SLC25A12: variants seen among roughly 807,000 people sequenced by gnomAD.
SLC25A12 encodes solute carrier family 25 member 12, also known as electrogenic aspartate/glutamate antiporter SLC25A12, mitochondrial.
In SLC25A12, 32 loss-of-function variants were observed where a neutral mutation model predicts 83.3. That is an observed-to-expected ratio of 0.38 (90% CI 0.29 to 0.52). The LOEUF (loss-of-function observed/expected upper bound fraction) is 0.52. Among genes scored for constraint, SLC25A12 ranks in the 20% least tolerant of loss-of-function variants. SLC25A12 has a pLI of 0.84. For synonymous variants in SLC25A12, 267 were observed against 291.1 expected (o/e 0.92, Z 0.84); for missense variants, 611 against 835.6 (o/e 0.73, Z 3.31).
intron 8 of SLC25A12, among the ~76,000 whole-genome samples, chr2:171,831,259 A>G (rs1246016378): frequency 6.6e-6 from 1 of 152,194 alleles, no homozygotes; most frequent in East Asian, 1.9e-4. Flanking sequence ...CCATTTTAGG[A>G]GAAACCCCTG....
intron 10 of SLC25A12, 54 bp from the exon 11 acceptor site, chr2:171,813,551 C>T: frequency 6.4e-7 from 1 of 1,551,244 alleles, no homozygotes; most frequent in East Asian, 2.2e-5. Context: ...AATGGAGAGT[C>T]CATAAGGATG....
intron 4 of SLC25A12, among the ~76,000 whole-genome samples, chr2:171,846,294 G>C (rs1684797111): frequency 6.6e-6 from 1 of 151,942 alleles, no homozygotes; most frequent in Non-Finnish European, 1.5e-5. Flanking sequence ...AAAGGGAATA[G>C]TTATTTCATG....
intron 4 of SLC25A12, chr2:171,845,941 T>G: frequency 2.8e-6 from 1 of 352,220 alleles, no homozygotes; most frequent in Non-Finnish European, 5.7e-6. Context: ...AAGCAAAGAA[T>G]TAACCCAATA....
At chr2:171,813,279 A>T in intron 11 of SLC25A12, 60 bp downstream of exon 11, 1 of 1,584,798 alleles carries the variant, frequency 6.3e-7, no homozygotes, top group Non-Finnish European at 8.7e-7. Context: ...TTAGTGAGTT[A>T]AAATCTGCTG....
intron 4 of SLC25A12, among the ~76,000 whole-genome samples, chr2:171,847,095 T>G (rs1177953899): frequency 6.6e-6 from 1 of 152,210 alleles, no homozygotes; most frequent in African/African-American, 2.4e-5. Flanking sequence ...GGTTTTGTTA[T>G]GATCATTATT....
chr2:171,856,027 A>C, intron 3 of SLC25A12, 78 bp from the exon 4 acceptor site: 1 of 833,248 alleles, frequency 1.2e-6, no homozygotes, highest in South Asian at 1.3e-5. Context: ...TTACTATATA[A>C]ACTGTAGCTC....
intron 8 of SLC25A12, among the ~76,000 whole-genome samples, chr2:171,831,114 C>A (rs1684421540): frequency 6.6e-6 from 1 of 152,240 alleles, no homozygotes; most frequent in Admixed American, 6.5e-5. Context: ...GTTTATCCAT[C>A]TTTACAACAG....
Position 171,834,733 on chromosome 2 carries a change from T to A in SLC25A12, c.745A>T (p.Thr249Ser). The change falls in exon 7 of 18, where the codon ACA becomes TCA. Residue 249 changes from threonine to serine, a missense_variant. Physicochemically the swap from Thr to Ser is moderately conservative, Grantham distance 58 (BLOSUM62 1). Transcript: ENST00000422440. Reference protein sequence around the residue: ...LAGTRKDVEVTKEEFAQSAIR... With the variant: ...LAGTRKDVEVSKEEFAQSAIR... ...GTATATTTTAAAATCTTACCCTTTG[T>A]GACTTCAACATCTTTCCTTGTGCCA... The A allele has an allele frequency of 6.2e-7, 1 of 1,613,424 alleles. No individual in the cohort carries two copies. Among genetic ancestry groups the A allele is most frequent in the Non-Finnish European group, 8.5e-7 (1 of 1,179,904 alleles).
chr2:171,788,178 T>A, intron 15 of SLC25A12: 1 of 501,088 alleles, frequency 2.0e-6, no homozygotes, highest in Admixed American at 3.4e-5. Flanking sequence ...AAAATCACTC[T>A]ACATTGCATG....
intron 7 of SLC25A12, chr2:171,834,306 C>A (rs1684509960): frequency 2.1e-6 from 1 of 477,510 alleles, no homozygotes; most frequent in Non-Finnish European, 3.7e-6. Context: ...AAAACAATCT[C>A]TTTAGAATCT....
At chr2:171,847,000 T>A (rs908569011) in intron 4 of SLC25A12, among the ~76,000 whole-genome samples, 2 of 152,210 alleles carry the variant, frequency 1.3e-5, no homozygotes, top group South Asian at 2.1e-4. Context: ...CATAGTGATC[T>A]CCCCAAATAC....
chr2:171,806,859 C>CGTGA, intron 13 of SLC25A12, among the ~76,000 whole-genome samples: 1 of 152,326 alleles, frequency 6.6e-6, no homozygotes, highest in East Asian at 1.9e-4. Flanking sequence ...CATCGTATCA[C>CGTGA]CACCACTACT....
chr2:171,869,322 G>A (rs944990315), intron 2 of SLC25A12, among the ~76,000 whole-genome samples: 5 of 152,122 alleles, frequency 3.3e-5, no homozygotes, highest in African/African-American at 1.2e-4. Context: ...TTAAAATGGT[G>A]AATTTTACAT....
At chr2:171,799,785 C>T (rs1233263488) in intron 13 of SLC25A12, among the ~76,000 whole-genome samples, 1 of 152,194 alleles carries the variant, frequency 6.6e-6, no homozygotes, top group African/African-American at 2.4e-5. Context: ...GAAAGCAAGA[C>T]ACAAAGGGAA....
chr2:171,868,626 T>G (rs1475704573), intron 3 of SLC25A12, 55 bp downstream of exon 3: 1 of 1,586,976 alleles, frequency 6.3e-7, no homozygotes, highest in African/African-American at 1.3e-5. Context: ...TTTTTTAAAT[T>G]TTTAACAATA....
At chr2:171,790,171 G>A (rs1289813345) in intron 15 of SLC25A12, among the ~76,000 whole-genome samples, 1 of 152,168 alleles carries the variant, frequency 6.6e-6, no homozygotes, top group Non-Finnish European at 1.5e-5. Context: ...CACACAACAA[G>A]CACAGCACAC....
chr2:171,834,644 G>C (rs1056711742), intron 7 of SLC25A12, 83 bp downstream of exon 7: 1 of 1,454,408 alleles, frequency 6.9e-7, no homozygotes, highest in South Asian at 1.1e-5. Context: ...GCTTTAGAGT[G>C]GTAAGCTTAG....
At chr2:171,802,814 A>T (rs914660472) in intron 13 of SLC25A12, among the ~76,000 whole-genome samples, 1 of 152,130 alleles carries the variant, frequency 6.6e-6, no homozygotes, top group Non-Finnish European at 1.5e-5. Flanking sequence ...GAAAATGCAC[A>T]ATCTGTTTAT....
chr2:171,817,114 C>A (rs1684068402), intron 9 of SLC25A12, among the ~76,000 whole-genome samples: 1 of 152,290 alleles, frequency 6.6e-6, no homozygotes, highest in South Asian at 2.1e-4. Context: ...TCACCAGTAA[C>A]TGAATCGGCC....
Sources: allele counts gnomAD v4.1 joint callset (sites outside exome capture counted in the v4.1 genomes callset), GRCh38; gene constraint gnomAD v4.1.1; transcripts MANE v1.5; gene names NCBI Gene and HGNC (gene_info 2026-07-23, HGNC 2026-07-21).